The following SVIL variants were observed in gnomAD, a reference collection of about 807,000 sequenced individuals.
SVIL encodes supervillin, also known as archvillin.
SVIL carries 101 observed loss-of-function variants against 240.4 expected under a neutral mutation model. The ratio of observed to expected loss-of-function variants is 0.42; its 90% CI spans 0.36 to 0.50. The LOEUF is 0.50. SVIL is among the 20% of genes least tolerant of loss of function. SVIL has a pLI of 0.01. For missense variants in SVIL, 2,512 were observed against 2,818.7 expected (o/e 0.89, Z 2.46); for synonymous variants, 999 against 1,100.0 (o/e 0.91, Z 1.82).
At chr10:29,624,091 C>T (rs540917865) in intron 1 of SVIL, among the ~76,000 whole-genome samples, 1 of 149,704 alleles carries the variant, frequency 6.7e-6, no homozygotes, top group East Asian at 2.0e-4. Context: ...ATTTGTTCTT[C>T]ACTTTTTGGG....
chr10:29,602,316 G>A (rs573596343), intron 1 of SVIL: 57 of 533,686 alleles, frequency 1.1e-4, no homozygotes, highest in South Asian at 7.6e-4. Context: ...GGTGCACTGG[G>A]TTCACCTTTA....
chr10:29,524,118 C>T, intron 14 of SVIL, 91 bp from the exon 15 acceptor site: 2 of 1,258,148 alleles, frequency 1.6e-6, no homozygotes, highest in African/African-American at 3.0e-5. Flanking sequence ...CTGAAATACT[C>T]GATTTGATGC....
chr10:29,572,763 C>CAAAAAAAAAAAAAAAAAAAAAAAAA (rs375180538), intron 1 of SVIL, among the ~76,000 whole-genome samples: 5 of 81,320 alleles, frequency 6.1e-5, no homozygotes, highest in Admixed American at 1.6e-4. Context: ...GATCCTATCT[C>CAAAAAAAAAAAAAAAAAAAAAAAAA]AAAAAAAAAA....
intron 29 of SVIL, among the ~76,000 whole-genome samples, chr10:29,474,925 G>A (rs778099936): frequency 2.0e-5 from 3 of 152,220 alleles, no homozygotes; most frequent in Non-Finnish European, 4.4e-5. Flanking sequence ...TGTCACCAGG[G>A]CTGCTGCCAG....
At chr10:29,511,803 C>T (rs1306297204) in intron 17 of SVIL, among the ~76,000 whole-genome samples, 1 of 152,182 alleles carries the variant, frequency 6.6e-6, no homozygotes, top group African/African-American at 2.4e-5. Context: ...GAAATAGTGT[C>T]AGAACTCCTG....
At chr10:29,658,067 C>G (rs891835738) in exon 3 of SVIL, 1 of 152,196 alleles carries the variant, frequency 6.6e-6, no homozygotes, top group Non-Finnish European at 1.5e-5. Context: ...CTTGAACTCT[C>G]TCTGAAAAAG....
At chr10:29,553,316 C>A (rs532095941) in intron 5 of SVIL, among the ~76,000 whole-genome samples, 1 of 152,114 alleles carries the variant, frequency 6.6e-6, no homozygotes, top group Non-Finnish European at 1.5e-5. Flanking sequence ...CAGTGGCTCA[C>A]GCTTGTAATC....
intron 1 of SVIL, among the ~76,000 whole-genome samples, chr10:29,697,031 C>A (rs1222811852): frequency 1.4e-5 from 2 of 141,282 alleles, no homozygotes; most frequent in African/African-American, 5.3e-5. Context: ...CTCAGCCCCC[C>A]GCCCGGCCAG....
intron 1 of SVIL, among the ~76,000 whole-genome samples, chr10:29,698,955 G>C (rs1354917237): frequency 3.3e-5 from 5 of 152,122 alleles, no homozygotes; most frequent in Non-Finnish European, 5.9e-5. Flanking sequence ...AGGAGCCGGC[G>C]GGCTGCATAA....
Position 29,484,928 on chromosome 10 carries a change from A to T in SVIL, c.4780-97T>A. On this transcript the variant is annotated intron_variant, in intron 26 of 37. Transcript: ENST00000355867. The surrounding 1 kb of genome is among the most constrained non-coding windows in gnomAD (Gnocchi z 4.7). ...CTCTTGTTGACAGTGAGTCAAACGG[A>T]GGAAGACAGAAATCCTAACGGGGCG... The T allele has an allele frequency of 1.5e-6, 2 of 1,315,808 alleles. No homozygotes were observed. The highest frequency in any genetic ancestry group is 3.0e-5 in the South Asian group (2 of 66,498). 81.5% of individuals were successfully genotyped at this position (1,315,808 alleles called of 1,614,324 possible). A position where few individuals can be genotyped will look rare whatever the true frequency, so the allele number is the denominator to read the frequency against.
At chr10:29,503,301 A>T (rs1461120673) in intron 17 of SVIL, among the ~76,000 whole-genome samples, 1 of 152,244 alleles carries the variant, frequency 6.6e-6, no homozygotes, top group Non-Finnish European at 1.5e-5. Context: ...CAGACCTCAA[A>T]GTAAGTGTTT....
At chr10:29,483,437 A>G (rs1025230695) in intron 27 of SVIL, 7 of 152,206 alleles carry the variant, frequency 4.6e-5, no homozygotes, top group African/African-American at 1.7e-4. Flanking sequence ...ATATTGACAC[A>G]TAAGCTCTAA....
chr10:29,554,639 A>G, intron 5 of SVIL, 144 bp downstream of exon 5: 1 of 1,077,468 alleles, frequency 9.3e-7, no homozygotes, highest in Non-Finnish European at 1.2e-6. Context: ...TGTGTGACAG[A>G]GTGAAACCTT....
At chr10:29,703,288 GA>G (rs1450871023) in intron 1 of SVIL, among the ~76,000 whole-genome samples, 1 of 152,200 alleles carries the variant, frequency 6.6e-6, no homozygotes, top group Non-Finnish European at 1.5e-5. Flanking sequence ...GGATCACCGT[GA>G]GGGTGAAACG....
chr10:29,594,461 A>T (rs2132814321), intron 1 of SVIL, among the ~76,000 whole-genome samples: 1 of 152,144 alleles, frequency 6.6e-6, no homozygotes, highest in Admixed American at 6.5e-5. Flanking sequence ...ATTGTAGCGT[A>T]TGTACCACTC....
At position 29,550,893 on chromosome 10, in the gene SVIL, G is replaced by C; in HGVS notation, c.531C>G (p.Thr177=). The change falls in exon 6 of 38, where the codon ACC becomes ACG. Residue 177 remains threonine, a synonymous_variant. Coordinates refer to ENST00000355867, the MANE Select transcript of SVIL (RefSeq NM_021738.3). ...YPGTETMGLR[T]CAGESKDYAL... Reference sequence around the variant, plus strand: ...CATAGTCCTTGGATTCACCGGCACAGGTCCTGAGCCCCATCGTCTCGGTCC... The same window carrying C: ...CATAGTCCTTGGATTCACCGGCACACGTCCTGAGCCCCATCGTCTCGGTCC... 6.2e-7 allele frequency: 1 copy of C among 1,614,096 alleles called. No individual in the cohort carries two copies.
intron 17 of SVIL, among the ~76,000 whole-genome samples, chr10:29,507,195 T>C (rs2132466257): frequency 6.6e-6 from 1 of 152,012 alleles, no homozygotes; most frequent in South Asian, 2.1e-4. Context: ...CCTCGCTGAG[T>C]CTTCCTCCCT....
chr10:29,498,050 C>T (rs1383083994), intron 18 of SVIL, among the ~76,000 whole-genome samples: 1 of 135,978 alleles, frequency 7.4e-6, no homozygotes, highest in East Asian at 2.1e-4. Context: ...CCACTGCACT[C>T]CAGCCTGGGA....
intron 1 of SVIL, among the ~76,000 whole-genome samples, chr10:29,696,977 C>T: frequency 7.0e-6 from 1 of 141,914 alleles, no homozygotes; most frequent in East Asian, 2.4e-4. Context: ...GGGGGGTCAG[C>T]CCCTCGCCCA....
Sources: allele counts gnomAD v4.1 joint callset (sites outside exome capture counted in the v4.1 genomes callset), GRCh38; gene constraint gnomAD v4.1.1; non-coding constraint Gnocchi (gnomAD v3.1); transcripts MANE v1.5; gene names NCBI Gene and HGNC (gene_info 2026-07-23, HGNC 2026-07-21).